Variants in SERPINB7 observed in about 807,000 individuals in gnomAD.
The protein encoded by SERPINB7 is serpin B7.
SERPINB7 carries 31 observed loss-of-function variants against 37.4 expected under a neutral mutation model. The observed-to-expected ratio is 0.83, with a 90% CI of 0.62 to 1.12. The LOEUF is 1.12. Among genes scored for constraint, SERPINB7 ranks in the 50% most tolerant of loss-of-function variants. The probability of loss-of-function intolerance (pLI) is 0.00; values close to 1 mark genes in which losing one functional copy is unlikely to be tolerated. For synonymous variants in SERPINB7, 163 were observed against 166.1 expected, an observed-to-expected ratio of 0.98 and a Z score of 0.14; for missense variants, 521 against 455.3, an observed-to-expected ratio of 1.14 and a Z score of -1.31.
chr18:63,767,082 A>G (rs770447136), intron 1 of SERPINB7, among the ~76,000 whole-genome samples: 13 of 152,132 alleles, frequency 8.5e-5, no homozygotes, highest in Non-Finnish European at 1.9e-4. Context: ...AGAGGCTGTC[A>G]TTCCAGGCCA....
upstream of SERPINB7, among the ~76,000 whole-genome samples, chr18:63,771,925 A>T (rs1472129828): frequency 2.6e-5 from 4 of 151,928 alleles, no homozygotes; most frequent in Non-Finnish European, 5.9e-5. Context: ...GGAAAAAAAA[A>T]ATCATAGGCA....
At chr18:63,783,283 A>AAGG (rs61391382) in intron 2 of SERPINB7, among the ~76,000 whole-genome samples, 5 of 122,432 alleles carry the variant, frequency 4.1e-5, no homozygotes, top group South Asian at 2.8e-4. Flanking sequence ...AGAAAGAAAG[A>AAGG]AAGAAAGAAA....
intron 1 of SERPINB7, among the ~76,000 whole-genome samples, chr18:63,767,302 T>C (rs1200831432): frequency 6.6e-6 from 1 of 152,172 alleles, no homozygotes; most frequent in East Asian, 1.9e-4. Context: ...TTCAGAGTTC[T>C]GGGGTGGGCT....
intron 1 of SERPINB7, among the ~76,000 whole-genome samples, chr18:63,778,352 T>C (rs2049270626): frequency 6.6e-6 from 1 of 152,154 alleles, no homozygotes; most frequent in African/African-American, 2.4e-5. Flanking sequence ...TAGCATCGTA[T>C]TTGACTTATT....
intron 3 of SERPINB7, among the ~76,000 whole-genome samples, chr18:63,792,780 T>C (rs1180632039): frequency 6.6e-6 from 1 of 152,214 alleles, no homozygotes; most frequent in East Asian, 1.9e-4. Flanking sequence ...AATTTACTTG[T>C]TATTTATTAC....
Position 63,798,670 on chromosome 18 carries a change from C to G in SERPINB7, c.521C>G (p.Ala174Gly), listed in dbSNP as rs757189218. 6.2e-7 allele frequency: 1 copy of G among 1,612,320 alleles called. No homozygotes were observed. The highest frequency in any genetic ancestry group is 1.3e-5 in the African/African-American group (1 of 74,738). ...TCTGCTGTAATGGTGCTGGTGAATG[C>G]TGTGTACTTCAAAGGCAAGTGGCAA... is the stretch of plus-strand genomic sequence containing the variant. ...SSSAVMVLVN[A>G]VYFKGKWQSA... The change falls in exon 6 of 8, where the codon GCT (alanine) becomes GGT (glycine). Residue 174 changes from alanine to glycine, a missense_variant. By Grantham distance (60) the Ala-to-Gly change is moderately conservative. Transcript: ENST00000398019.
intron 2 of SERPINB7, among the ~76,000 whole-genome samples, chr18:63,786,400 C>T (rs899419731): frequency 5.3e-5 from 8 of 151,140 alleles, no homozygotes; most frequent in African/African-American, 1.7e-4. Context: ...TATACACACA[C>T]GCATATATAT....
chr18:63,768,873 G>T (rs975760374), intron 1 of SERPINB7, among the ~76,000 whole-genome samples: 2 of 151,990 alleles, frequency 1.3e-5, no homozygotes, highest in Admixed American at 1.3e-4. Flanking sequence ...TTATGGTTTT[G>T]TTTTAGGGAT....
At chr18:63,764,607 A>G (rs2049170950) in intron 1 of SERPINB7, among the ~76,000 whole-genome samples, 1 of 152,026 alleles carries the variant, frequency 6.6e-6, no homozygotes, top group African/African-American at 2.4e-5. Flanking sequence ...TTTCTCTCGA[A>G]AAATAAACAC....
chr18:63,783,222 G>A (rs368475470), intron 2 of SERPINB7, among the ~76,000 whole-genome samples: 1,223 of 67,304 alleles, frequency 0.018, 88 homozygotes, highest in African/African-American at 0.066. Context: ...GAGAGAGAGA[G>A]AGAGAGAGAG....
At chr18:63,777,154 CAG>C (rs2049256754) in intron 1 of SERPINB7, among the ~76,000 whole-genome samples, 1 of 152,022 alleles carries the variant, frequency 6.6e-6, no homozygotes, top group Non-Finnish European at 1.5e-5. Context: ...TCCCCAAATA[CAG>C]CATAAATACC....
intron 1 of SERPINB7, among the ~76,000 whole-genome samples, chr18:63,762,690 C>T (rs1357745414): frequency 1.3e-5 from 2 of 152,156 alleles, no homozygotes; most frequent in Non-Finnish European, 2.9e-5. Flanking sequence ...TTTGCTGACA[C>T]ATTTGATACT....
At chr18:63,799,325 G>A (rs1157680947) in intron 6 of SERPINB7, among the ~76,000 whole-genome samples, 1 of 152,180 alleles carries the variant, frequency 6.6e-6, no homozygotes, top group African/African-American at 2.4e-5. Flanking sequence ...TCTTAGTACA[G>A]CAGAAACAAC....
intron 1 of SERPINB7, among the ~76,000 whole-genome samples, chr18:63,765,847 T>A (rs563617002): frequency 6.6e-6 from 1 of 152,280 alleles, no homozygotes; most frequent in Admixed American, 6.5e-5. Context: ...GTTTAATGTA[T>A]TAGGATTAAT....
chr18:63,756,092 TACAC>T (rs5825530), intron 1 of SERPINB7, among the ~76,000 whole-genome samples: 18,331 of 148,004 alleles, frequency 0.12, 1,265 homozygotes, highest in African/African-American at 0.2. Context: ...ATATAGGGTT[TACAC>T]ACACACACAC....
At chr18:63,778,856 A>T (rs1027608772) in intron 1 of SERPINB7, among the ~76,000 whole-genome samples, 3 of 152,162 alleles carry the variant, frequency 2.0e-5, no homozygotes, top group Non-Finnish European at 4.4e-5. Flanking sequence ...TTTGGGATGT[A>T]AAAACATCCA....
chr18:63,774,289 C>T (rs1235267722), upstream of SERPINB7, among the ~76,000 whole-genome samples: 2 of 151,928 alleles, frequency 1.3e-5, no homozygotes, highest in Non-Finnish European at 2.9e-5. Flanking sequence ...GGGAAAGAGG[C>T]AAAATTGCAC....
intron 1 of SERPINB7, 133 bp from the exon 2 acceptor site, chr18:63,782,222 A>G: frequency 2.0e-6 from 1 of 491,500 alleles, no homozygotes; most frequent in Non-Finnish European, 3.1e-6. Context: ...CCTTTTTGTT[A>G]GAGTTATTTG....
At position 63,802,498 on chromosome 18, in the gene SERPINB7, G is replaced by T. The variant is rs528451585; in HGVS notation, c.744+1486G>T. ...GAGCTTCATTTATATTACCTTGTTT[G>T]ATGTTTATAGCAAGCATGTGAGATA... On this transcript the variant is annotated intron_variant, in intron 7 of 7. Coordinates refer to ENST00000398019, the MANE Select transcript of SERPINB7 (RefSeq NM_003784.4). Among the ~76,000 whole-genome samples, 21 of 152,226 alleles carry T rather than the reference G, an allele frequency of 1.4e-4. 1 individual carries two copies. The South Asian group carries it at 4.1e-3, about 30-fold the overall frequency.
Sources: gnomAD v4.1 joint callset for allele counts (sites outside exome capture counted in the v4.1 genomes callset) on GRCh38, gnomAD v4.1.1 for gene constraint, MANE v1.5 for transcripts, NCBI Gene and HGNC (gene_info 2026-07-23, HGNC 2026-07-21) for gene names.